The following PEX3 variants were observed in gnomAD, a reference collection of about 807,000 sequenced individuals.
The protein encoded by PEX3 is peroxisomal biogenesis factor 3.
A neutral mutation model predicts 55.8 loss-of-function variants in PEX3; 30 were observed. That is an observed-to-expected ratio of 0.54 (90% CI 0.40 to 0.73). The LOEUF is 0.73. Ranked by LOEUF, PEX3 falls within the 30% of genes least tolerant of loss-of-function variation. The pLI is 0.00. For missense variants in PEX3, 351 were observed against 432.8 expected (o/e 0.81, Z 1.68); for synonymous variants, 135 against 148.4 (o/e 0.91, Z 0.66).
In PEX3 at chr6:143,453,326, G is replaced by C. The variant is rs775706291; in HGVS notation, c.73+2211G>C. 6.6e-6 allele frequency among the ~76,000 whole-genome samples: 1 copy of C among 152,174 alleles called. No homozygotes were observed. The highest frequency in any genetic ancestry group is 1.5e-5 in the Non-Finnish European group (1 of 68,032). ...CTGGGTAGTATATCAACAGGCATGC[G>C]CAGAGAAGTTTGGGCATTCAATAGT... On this transcript the variant is annotated intron_variant, in intron 1 of 11. Coordinates refer to ENST00000367591, the MANE Select transcript of PEX3 (RefSeq NM_003630.3). This position sits in a 1 kb window ranked among gnomAD's most constrained non-coding sequence, Gnocchi z 4.6.
chr6:143,458,984 T>C lies in PEX3; in HGVS notation c.74-101T>C. 1 of 740,592 alleles carries C rather than the reference T, an allele frequency of 1.4e-6. No individual in the cohort carries two copies. Among genetic ancestry groups the C allele is most frequent in the Non-Finnish European group, 2.3e-6 (1 of 436,262 alleles). The allele number at this position is 740,592 out of a possible 1,614,324, so 45.9% of individuals were successfully genotyped here. A position where few individuals can be genotyped will look rare whatever the true frequency, so the allele number is the denominator to read the frequency against. On this transcript the variant is annotated intron_variant, in intron 1 of 11. Transcript: ENST00000367591. This position sits in a 1 kb window ranked among gnomAD's most constrained non-coding sequence, Gnocchi z 6.1. ...TAGGTTTTAAAAATGTAATTTTAGC[T>C]ATCCACTAATATAAAACTTATAATT...
rs1182673430 is a variant in PEX3, at chr6:143,453,232, GCATATGCAGTT to G, written c.73+2118_73+2128del. 6.6e-6 allele frequency among the ~76,000 whole-genome samples: 1 copy of G among 152,208 alleles called. No homozygotes were observed. Among genetic ancestry groups the G allele is most frequent in the African/African-American group, 2.4e-5 (1 of 41,458 alleles). On this transcript the variant is annotated intron_variant, in intron 1 of 11. Coordinates refer to ENST00000367591, the MANE Select transcript of PEX3 (RefSeq NM_003630.3). This position sits in a 1 kb window ranked among gnomAD's most constrained non-coding sequence, Gnocchi z 4.6. ...GCTGTACAGATCACACTGGCAAGTA[GCATATGCAGTT>G]GTGAAAAATCAGGAAGAATTTCATG...
In PEX3 at chr6:143,471,689, C is replaced by T. The variant is rs1673557466; in HGVS notation, c.578+78C>T. ...AAAATTAGAATTGTTCTAGTGAAAC[C>T]AGTGACTTGACAAACGGTGATTTGT... On this transcript the variant is annotated intron_variant, in intron 7 of 11. Coordinates refer to ENST00000367591, the MANE Select transcript of PEX3 (RefSeq NM_003630.3). The surrounding 1 kb of genome is among the most constrained non-coding windows in gnomAD (Gnocchi z 5.4). 3.0e-6 allele frequency: 3 copies of T among 1,012,326 alleles called. No individual in the cohort carries two copies. The Admixed American group carries it at 5.1e-5, about 17-fold the overall frequency. The allele number at this position is 1,012,326 out of a possible 1,614,324, so 62.7% of individuals were successfully genotyped here. A position where few individuals can be genotyped will look rare whatever the true frequency, so the allele number is the denominator to read the frequency against.
intron 8 of PEX3, among the ~76,000 whole-genome samples, chr6:143,473,095 C>T (rs1480964744): frequency 1.3e-5 from 2 of 152,148 alleles, no homozygotes; most frequent in Non-Finnish European, 2.9e-5. Flanking sequence ...CTGGAAAAGC[C>T]TTAGAACAGA....
chr6:143,460,401 T>C (rs975927521), intron 2 of PEX3, among the ~76,000 whole-genome samples: 1 of 152,194 alleles, frequency 6.6e-6, no homozygotes, highest in African/African-American at 2.4e-5. Context: ...AAATGTTTTG[T>C]GAGGCCGTGA....
Position 143,475,666 on chromosome 6 carries a change from C to T in PEX3, c.818+810C>T, listed in dbSNP as rs1001691748. On this transcript the variant is annotated intron_variant, in intron 9 of 11. Coordinates refer to ENST00000367591, the MANE Select transcript of PEX3 (RefSeq NM_003630.3). This position sits in a 1 kb window ranked among gnomAD's most constrained non-coding sequence, Gnocchi z 4.4. The stretch of plus-strand genomic sequence containing the variant: ...AAGATCCTGTCTCAAACAAACAAAA[C>T]AAAACAAAAAAGGCCATCAGTGTTT... Among the ~76,000 whole-genome samples the T allele has an allele frequency of 1.3e-5, 2 of 151,922 alleles. No homozygotes were observed. Among genetic ancestry groups the T allele is most frequent in the African/African-American group, 2.4e-5 (1 of 41,384 alleles).
chr6:143,452,244 G>A (rs1032959955), intron 1 of PEX3, among the ~76,000 whole-genome samples: 1 of 152,142 alleles, frequency 6.6e-6, no homozygotes, highest in Non-Finnish European at 1.5e-5. Flanking sequence ...TGTCTCTGAG[G>A]TCTATCACAC....
At chr6:143,481,224 GTAATA>G (rs1780237831) in intron 10 of PEX3, among the ~76,000 whole-genome samples, 1 of 149,880 alleles carries the variant, frequency 6.7e-6, no homozygotes, top group Non-Finnish European at 1.5e-5. Context: ...ACATATGCAT[GTAATA>G]TAATGTATAA....
rs759933437 is a variant in PEX3 at position 143,468,108 on chromosome 6, A to G, written c.288-14A>G. The G allele has an allele frequency of 7.1e-7, 1 of 1,408,292 alleles. No individual in the cohort carries two copies. Among genetic ancestry groups the G allele is most frequent in the Non-Finnish European group, 1.0e-6 (1 of 997,870 alleles). The allele number at this position is 1,408,292 out of a possible 1,614,324, so 87.2% of individuals were successfully genotyped here. A position where few individuals can be genotyped will look rare whatever the true frequency, so the allele number is the denominator to read the frequency against. ...TAGATTATTATTTTCATATTTTTAA[A>G]TTTTGTTCTTTAGGCCTTCAAACAA... On this transcript the variant is annotated splice_polypyrimidine_tract_variant and intron_variant, in intron 3 of 11. Transcript: ENST00000367591.
chr6:143,486,530 G>A lies in PEX3; in HGVS notation c.1038+1282G>A, dbSNP rs1264590909. On this transcript the variant is annotated intron_variant, in intron 11 of 11. Transcript: ENST00000367591. This position sits in a 1 kb window ranked among gnomAD's most constrained non-coding sequence, Gnocchi z 5.0. ...TTAGTAAAGTTTTTTACTGTAACTGGATGTATATTAAATGTATATACTAGA... is the reference window on the plus strand; with the variant it reads ...TTAGTAAAGTTTTTTACTGTAACTGAATGTATATTAAATGTATATACTAGA... Among the ~76,000 whole-genome samples the A allele has an allele frequency of 3.9e-5, 6 of 152,046 alleles. No homozygotes were observed. The highest frequency in any genetic ancestry group is 7.4e-5 in the Non-Finnish European group (5 of 67,974).
In PEX3 at chr6:143,483,365, A is replaced by T. The variant is rs1780268362; in HGVS notation, c.942-1787A>T. Among the ~76,000 whole-genome samples, 1 of 152,224 alleles carries T rather than the reference A, an allele frequency of 6.6e-6. No homozygotes were observed. The highest frequency in any genetic ancestry group is 2.4e-5 in the African/African-American group (1 of 41,458). On this transcript the variant is annotated intron_variant, in intron 10 of 11. Coordinates refer to ENST00000367591, the MANE Select transcript of PEX3 (RefSeq NM_003630.3). This position sits in a 1 kb window ranked among gnomAD's most constrained non-coding sequence, Gnocchi z 4.3. ...ATAATAGAAAAATTTAAACAAAAGT[A>T]GACAGTCAAGCAGTTTTCCTGAGGA...
intron 10 of PEX3, among the ~76,000 whole-genome samples, chr6:143,484,438 A>G (rs1780286567): frequency 6.6e-6 from 1 of 152,114 alleles, no homozygotes; most frequent in Non-Finnish European, 1.5e-5. Context: ...AAATCTTTAG[A>G]ATATCTGATT....
intron 2 of PEX3, among the ~76,000 whole-genome samples, chr6:143,461,996 G>A (rs161072): frequency 0.45 from 68,879 of 151,934 alleles, 16,920 homozygotes; most frequent in African/African-American, 0.65. Flanking sequence ...TTTTGTTATC[G>A]TTACTTTTTT....
Position 143,466,737 on chromosome 6 carries a change from A to G in PEX3, c.288-1385A>G, listed in dbSNP as rs1181180263. ...TTTAAAAAGGTAAAGAAAAATGTGT[A>G]TAATATTTTTCACTTATCTAAGGGG... On this transcript the variant is annotated intron_variant, in intron 3 of 11. Transcript: ENST00000367591. The surrounding 1 kb of genome is among the most constrained non-coding windows in gnomAD (Gnocchi z 5.4). Among the ~76,000 whole-genome samples, 1 of 152,072 alleles carries G rather than the reference A, an allele frequency of 6.6e-6. No homozygotes were observed.
At chr6:143,460,087 TTC>T (rs1229894669) in intron 2 of PEX3, among the ~76,000 whole-genome samples, 14 of 152,234 alleles carry the variant, frequency 9.2e-5, no homozygotes, top group African/African-American at 3.4e-4. Flanking sequence ...TTCTCTAACA[TTC>T]TTTCAAGAAC....
In PEX3 at chr6:143,454,144, T is replaced by C. The variant is rs1390414325; in HGVS notation, c.73+3029T>C. Among the ~76,000 whole-genome samples the C allele has an allele frequency of 2.0e-5, 3 of 152,230 alleles. No homozygotes were observed. Among genetic ancestry groups the C allele is most frequent in the African/African-American group, 7.2e-5 (3 of 41,474 alleles). ...TACATTTTGCAAATCTTTTTAATGT[T>C]TGGCTTAATTGAAGAAAGCTGGATT... On this transcript the variant is annotated intron_variant, in intron 1 of 11. Transcript: ENST00000367591. This position sits in a 1 kb window ranked among gnomAD's most constrained non-coding sequence, Gnocchi z 4.3.
At chr6:143,468,645 G>T (rs572836228) in intron 4 of PEX3, among the ~76,000 whole-genome samples, 11 of 151,758 alleles carry the variant, frequency 7.2e-5, no homozygotes, top group East Asian at 1.9e-4. Flanking sequence ...TTTGTTTTTT[G>T]TTGTTGTTGT....
rs1260856256 is a variant in PEX3 at position 143,462,243 on chromosome 6, C to A, written c.206-673C>A. 2.0e-5 allele frequency among the ~76,000 whole-genome samples: 3 copies of A among 152,160 alleles called. No homozygotes were observed. The highest frequency in any genetic ancestry group is 1.5e-5 in the Non-Finnish European group (1 of 68,014). On this transcript the variant is annotated intron_variant, in intron 2 of 11. Coordinates refer to ENST00000367591, the MANE Select transcript of PEX3 (RefSeq NM_003630.3). This position sits in a 1 kb window ranked among gnomAD's most constrained non-coding sequence, Gnocchi z 4.1. Reference sequence around the variant, plus strand: ...ACAACAGCCACTGACAAAACTAAAACTAAAACTCAGCAACTTTTAGTTTCT... The same window carrying A: ...ACAACAGCCACTGACAAAACTAAAAATAAAACTCAGCAACTTTTAGTTTCT...
chr6:143,486,758 A>G lies in PEX3; in HGVS notation c.1038+1510A>G, dbSNP rs889580924. Among the ~76,000 whole-genome samples, 1 of 152,140 alleles carries G rather than the reference A, an allele frequency of 6.6e-6. No individual in the cohort carries two copies. The highest frequency in any genetic ancestry group is 2.4e-5 in the African/African-American group (1 of 41,442). ...GAATTACTGCTACTACTTCAACTAC[A>G]ATGGTGTGTAGGAGAGCCTATGGTG... On this transcript the variant is annotated intron_variant, in intron 11 of 11. Coordinates refer to ENST00000367591, the MANE Select transcript of PEX3 (RefSeq NM_003630.3). This position sits in a 1 kb window ranked among gnomAD's most constrained non-coding sequence, Gnocchi z 5.0.
Sources: allele counts gnomAD v4.1 joint callset (sites outside exome capture counted in the v4.1 genomes callset), GRCh38; gene constraint gnomAD v4.1.1; non-coding constraint Gnocchi (gnomAD v3.1); transcripts MANE v1.5; gene names NCBI Gene and HGNC (gene_info 2026-07-23, HGNC 2026-07-21).